Variants in TENM3 observed in about 807,000 individuals in gnomAD.
The protein encoded by TENM3 is teneurin-3.
In TENM3, 63 loss-of-function variants were observed where a neutral mutation model predicts 255.1. That is an observed-to-expected ratio of 0.25 (90% CI 0.20 to 0.30). The LOEUF (loss-of-function observed/expected upper bound fraction) is 0.30, where lower values mean the gene tolerates loss of function less well. Ranked by LOEUF, TENM3 falls within the 10% of genes least tolerant of loss-of-function variation. TENM3 has a pLI of 1.00. For missense variants in TENM3, 2,929 were observed against 3,461.1 expected (o/e 0.85, Z 3.86); for synonymous variants, 1,306 against 1,322.3 (o/e 0.99, Z 0.27).
the TENM3 span, among the ~76,000 whole-genome samples, chr4:182,057,689 T>C: frequency 4.6e-5 from 7 of 152,188 alleles, no homozygotes; most frequent in South Asian, 6.2e-4. Context: ...GTGTGAGCTA[T>C]AGCACTGGGC....
the TENM3 span, among the ~76,000 whole-genome samples, chr4:181,887,702 T>C: frequency 6.6e-6 from 1 of 152,210 alleles, no homozygotes; most frequent in African/African-American, 2.4e-5. Context: ...CTGATCAGCC[T>C]CTCGGACTCC....
At chr4:182,401,825 C>T (rs548174948) in intron 3 of TENM3, among the ~76,000 whole-genome samples, 1 of 152,052 alleles carries the variant, frequency 6.6e-6, no homozygotes, top group East Asian at 1.9e-4. Flanking sequence ...CTTTCTATTC[C>T]CTTTATTCTG....
At chr4:182,022,436 T>A in the TENM3 span, among the ~76,000 whole-genome samples, 3 of 151,784 alleles carry the variant, frequency 2.0e-5, no homozygotes, top group African/African-American at 7.3e-5. Flanking sequence ...TGAGGCACTA[T>A]GTTCACCACT....
At position 182,327,360 on chromosome 4, in the gene TENM3, A is replaced by G. The variant is rs145001444; in HGVS notation, c.232+3108A>G. Among the ~76,000 whole-genome samples, 158 of 152,302 alleles carry G rather than the reference A, an allele frequency of 1.0e-3. No individual in the cohort carries two copies. In the East Asian group the frequency reaches 0.017, roughly 16 times the overall value. ...AAAACAGCTGATCAGTCCTGTATCC[A>G]TTTACTCCTTGAATGACACAGGGAA... is the stretch of plus-strand genomic sequence containing the variant. On this transcript the variant is annotated intron_variant, in intron 2 of 27. Transcript: ENST00000511685.
At chr4:181,838,594 T>C in the TENM3 span, among the ~76,000 whole-genome samples, 1 of 152,196 alleles carries the variant, frequency 6.6e-6, no homozygotes, top group Admixed American at 6.5e-5. Flanking sequence ...TTTTAGAAGC[T>C]TGACAATATT....
chr4:182,001,326 T>C, the TENM3 span, among the ~76,000 whole-genome samples: 1 of 152,214 alleles, frequency 6.6e-6, no homozygotes, highest in South Asian at 2.1e-4. Context: ...TTCGAAATTC[T>C]CATTTGTCTT....
At chr4:181,653,299 G>A in the TENM3 span, among the ~76,000 whole-genome samples, 125 of 152,310 alleles carry the variant, frequency 8.2e-4, 1 homozygote, top group African/African-American at 3.0e-3. Flanking sequence ...GGGCAGGATC[G>A]AAGAATCTGC....
the TENM3 span, among the ~76,000 whole-genome samples, chr4:181,942,269 CT>C: frequency 0.49 from 51,738 of 106,114 alleles, 9,366 homozygotes; most frequent in East Asian, 0.64. Context: ...GATGTTGGGC[CT>C]TTTTTTTTTT....
the TENM3 span, among the ~76,000 whole-genome samples, chr4:181,878,884 T>G: frequency 6.6e-6 from 1 of 152,156 alleles, no homozygotes; most frequent in East Asian, 1.9e-4. Context: ...CCTCTCTATC[T>G]ATCTATATTA....
intron 3 of TENM3, among the ~76,000 whole-genome samples, chr4:182,511,518 A>C (rs1737395951): frequency 6.6e-6 from 1 of 152,182 alleles, no homozygotes; most frequent in Non-Finnish European, 1.5e-5. Context: ...ATGAATAGAG[A>C]ATATGTTTAA....
the TENM3 span, among the ~76,000 whole-genome samples, chr4:181,593,075 A>G: frequency 3.7e-4 from 56 of 152,308 alleles, no homozygotes; most frequent in African/African-American, 1.3e-3. Context: ...CACTTCTTGA[A>G]GCCCAAATCT....
At chr4:181,906,965 G>A in the TENM3 span, among the ~76,000 whole-genome samples, 8 of 152,008 alleles carry the variant, frequency 5.3e-5, no homozygotes, top group East Asian at 1.5e-3. Flanking sequence ...AGCAACCTGC[G>A]CCTCGTGAGT....
the TENM3 span, among the ~76,000 whole-genome samples, chr4:181,812,728 C>T: frequency 6.6e-6 from 1 of 152,134 alleles, no homozygotes; most frequent in African/African-American, 2.4e-5. Context: ...GGTTGGATAC[C>T]ACCCTGGGCA....
the TENM3 span, among the ~76,000 whole-genome samples, chr4:181,584,449 T>C: frequency 6.6e-6 from 1 of 152,198 alleles, no homozygotes; most frequent in Non-Finnish European, 1.5e-5. Context: ...ACATTCCACC[T>C]TGATGGTAAT....
the TENM3 span, among the ~76,000 whole-genome samples, chr4:181,967,805 C>T: frequency 2.0e-5 from 3 of 152,116 alleles, no homozygotes; most frequent in South Asian, 2.1e-4. Context: ...GAGCCACCGA[C>T]GTGGCTGGCG....
At chr4:182,681,378 C>T (rs1756161848) in intron 10 of TENM3, among the ~76,000 whole-genome samples, 5 of 152,130 alleles carry the variant, frequency 3.3e-5, no homozygotes, top group Admixed American at 3.3e-4. Flanking sequence ...TAAATCTCGT[C>T]ATCTAAAGCA....
Position 182,796,723 on chromosome 4 carries a change from C to A in TENM3, c.7300C>A (p.Pro2434Thr). 6.2e-7 allele frequency: 1 copy of A among 1,611,974 alleles called. No individual in the cohort carries two copies. Among genetic ancestry groups the A allele is most frequent in the Non-Finnish European group, 8.5e-7 (1 of 1,178,848 alleles). The change falls in exon 27 of 28, where the codon CCT becomes ACT. Residue 2434 changes from proline (P) to threonine (T), a missense_variant. This residue lies in a region of TENM3 where 476 missense variants were observed against 480.1 expected (regional missense o/e 0.99). Coordinates refer to ENST00000511685, the MANE Select transcript of TENM3 (RefSeq NM_001080477.4). Reference protein sequence around the residue: ...FPVPKFDLTEPSYELVKSQQW... With the variant: ...FPVPKFDLTETSYELVKSQQW... ...TGTTCCCAAATTTGATTTAACAGAACCTTCTTACGAACTTGTGAAGAGTCA... is the reference window on the plus strand; with the variant it reads ...TGTTCCCAAATTTGATTTAACAGAAACTTCTTACGAACTTGTGAAGAGTCA...
At chr4:181,843,092 A>C in the TENM3 span, among the ~76,000 whole-genome samples, 10 of 152,230 alleles carry the variant, frequency 6.6e-5, no homozygotes, top group Admixed American at 3.3e-4. Context: ...TCCTTCAGTA[A>C]CGCAATTTAT....
the TENM3 span, among the ~76,000 whole-genome samples, chr4:182,118,810 G>C: frequency 6.6e-6 from 1 of 152,124 alleles, no homozygotes; most frequent in Non-Finnish European, 1.5e-5. Flanking sequence ...ACCCCACTTG[G>C]CCGTGGTATA....
Sources: gnomAD v4.1 joint callset for allele counts (sites outside exome capture counted in the v4.1 genomes callset) on GRCh38, gnomAD v4.1.1 for gene constraint, gnomAD v4.1.1 regional missense constraint, MANE v1.5 for transcripts, NCBI Gene and HGNC (gene_info 2026-07-23, HGNC 2026-07-21) for gene names.